AKAP19: variants seen among roughly 807,000 people sequenced by gnomAD.
AKAP19 encodes small A-kinase anchoring protein.
the AKAP19 span, among the ~76,000 whole-genome samples, chr2:189,922,839 G>A: frequency 3.9e-5 from 6 of 151,976 alleles, no homozygotes; most frequent in Non-Finnish European, 7.4e-5. Flanking sequence ...GTACTTTATG[G>A]GGCAAGTATG....
the AKAP19 span, among the ~76,000 whole-genome samples, chr2:190,183,989 T>C: frequency 6.6e-6 from 1 of 152,148 alleles, no homozygotes. Context: ...TACTATACTT[T>C]CCATATAGTA....
At chr2:190,061,943 G>T in the AKAP19 span, among the ~76,000 whole-genome samples, 1 of 151,790 alleles carries the variant, frequency 6.6e-6, no homozygotes, top group Non-Finnish European at 1.5e-5. Context: ...TGGTATTATT[G>T]TGAAAGCATA....
the AKAP19 span, among the ~76,000 whole-genome samples, chr2:190,003,577 T>C: frequency 3.9e-5 from 6 of 152,192 alleles, no homozygotes; most frequent in Non-Finnish European, 5.9e-5. Context: ...AAAATTGTAC[T>C]CTTAGGCCAG....
the AKAP19 span, among the ~76,000 whole-genome samples, chr2:189,896,494 A>G: frequency 6.6e-6 from 1 of 151,982 alleles, no homozygotes; most frequent in African/African-American, 2.4e-5. Context: ...ATGTTTCCAG[A>G]TTATCTCTTA....
chr2:190,183,068 T>C, the AKAP19 span, among the ~76,000 whole-genome samples: 1 of 152,244 alleles, frequency 6.6e-6, no homozygotes, highest in South Asian at 2.1e-4. Context: ...GTCCTTTTAC[T>C]GTGACCGTGG....
the AKAP19 span, among the ~76,000 whole-genome samples, chr2:190,167,202 G>A: frequency 1.6e-4 from 24 of 152,178 alleles, no homozygotes; most frequent in Non-Finnish European, 2.9e-4. Flanking sequence ...TGAAAGGCAC[G>A]TCTCACATTG....
At chr2:189,966,121 C>T in the AKAP19 span, among the ~76,000 whole-genome samples, 32 of 150,648 alleles carry the variant, frequency 2.1e-4, no homozygotes, top group African/African-American at 7.3e-4. Flanking sequence ...CTTACTCATA[C>T]GTGGGAGCCG....
chr2:189,897,048 T>TA, the AKAP19 span, among the ~76,000 whole-genome samples: 1 of 152,112 alleles, frequency 6.6e-6, no homozygotes, highest in Non-Finnish European at 1.5e-5. Context: ...TGTAGACTGT[T>TA]AACTTTTCAA....
At chr2:190,143,957 T>A in the AKAP19 span, among the ~76,000 whole-genome samples, 1 of 136,152 alleles carries the variant, frequency 7.3e-6, no homozygotes, top group Non-Finnish European at 1.5e-5. Flanking sequence ...CACTCATAGG[T>A]GGGAACTGAA....
the AKAP19 span, among the ~76,000 whole-genome samples, chr2:190,115,529 T>C: frequency 0.59 from 84,270 of 142,738 alleles, 26,487 homozygotes; most frequent in African/African-American, 0.82. Context: ...CCGTTTTAGC[T>C]GGGATGGTCT....
chr2:189,945,774 A>G, the AKAP19 span, among the ~76,000 whole-genome samples: 7 of 152,146 alleles, frequency 4.6e-5, no homozygotes, highest in African/African-American at 1.4e-4. Context: ...GCAACTAATA[A>G]TCTGCACCTC....
the AKAP19 span, among the ~76,000 whole-genome samples, chr2:190,051,063 G>T: frequency 0.014 from 2,175 of 152,220 alleles, 45 homozygotes; most frequent in Non-Finnish European, 0.019. Flanking sequence ...GAAATCAAAA[G>T]TTACAGTTTT....
the AKAP19 span, among the ~76,000 whole-genome samples, chr2:189,928,303 A>G: frequency 5.9e-5 from 9 of 152,262 alleles, no homozygotes; most frequent in East Asian, 1.7e-3. Flanking sequence ...TAATGTTAAC[A>G]TTGATTTATC....
At chr2:190,069,537 T>C in the AKAP19 span, among the ~76,000 whole-genome samples, 5,811 of 152,216 alleles carry the variant, frequency 0.038, 198 homozygotes, top group Admixed American at 0.1. Context: ...CTTTACTCCA[T>C]TGGTGGTTTG....
the AKAP19 span, among the ~76,000 whole-genome samples, chr2:190,128,119 TC>T: frequency 6.6e-6 from 1 of 152,154 alleles, no homozygotes; most frequent in East Asian, 1.9e-4. Flanking sequence ...AGAAACTGAT[TC>T]TTAGTATGAA....
At chr2:189,993,165 G>C in the AKAP19 span, among the ~76,000 whole-genome samples, 4 of 152,122 alleles carry the variant, frequency 2.6e-5, no homozygotes, top group African/African-American at 7.2e-5. Context: ...TTCATAGATA[G>C]CTTTTATTAC....
At chr2:189,879,659 C>A in the AKAP19 span, 1 of 152,442 alleles carries the variant, frequency 6.6e-6, no homozygotes, top group East Asian at 1.9e-4. Flanking sequence ...GACAGGGAAG[C>A]GCTGGCTCCC....
the AKAP19 span, among the ~76,000 whole-genome samples, chr2:190,011,077 A>G: frequency 1.1e-5 from 1 of 94,968 alleles, no homozygotes; most frequent in African/African-American, 4.0e-5. Context: ...TTTTTTTGAG[A>G]CAGTCTTTCT....
chr2:189,977,065 C>T, the AKAP19 span, among the ~76,000 whole-genome samples: 988 of 152,304 alleles, frequency 6.5e-3, 15 homozygotes, highest in African/African-American at 0.023. Context: ...TCCTCTGCAT[C>T]GCTCACGCTG....
Sources: allele counts gnomAD v4.1 joint callset (sites outside exome capture counted in the v4.1 genomes callset), GRCh38; gene constraint gnomAD v4.1.1; transcripts MANE v1.5; gene names NCBI Gene and HGNC (gene_info 2026-07-23, HGNC 2026-07-21).